The following TRUB2 variants were observed in gnomAD, a reference collection of about 807,000 sequenced individuals.
TRUB2 encodes the protein pseudouridylate synthase TRUB2, mitochondrial.
Under a neutral mutation model 31.9 loss-of-function variants are expected in TRUB2, and 31 were observed. That is an observed-to-expected ratio of 0.97 (90% CI 0.73 to 1.31). The LOEUF (loss-of-function observed/expected upper bound fraction) is 1.31. Ranked by LOEUF, TRUB2 falls within the 50% of genes most tolerant of loss-of-function variation. TRUB2 has a pLI of 0.00. For missense variants in TRUB2, 451 were observed against 439.6 expected (o/e 1.03, Z -0.23); for synonymous variants, 201 against 182.6 (o/e 1.10, Z -0.81).
Position 128,310,876 on chromosome 9 carries a change from G to T in TRUB2, c.670+11C>A, listed in dbSNP as rs1171926665. The T allele has an allele frequency of 6.2e-7, 1 of 1,613,974 alleles. No homozygotes were observed. The highest frequency in any genetic ancestry group is 1.1e-5 in the South Asian group (1 of 91,072). On this transcript the variant is annotated intron_variant, in intron 7 of 7. Coordinates refer to ENST00000372890, the MANE Select transcript of TRUB2 (RefSeq NM_015679.3). ...CCCATCTCACTGCTCCAACTTCCTT[G>T]GCCAACCTACCTAAGAGGAATTCCG...
intron 3 of TRUB2, 145 bp from the exon 4 acceptor site, chr9:128,315,773 C>T: frequency 3.6e-6 from 3 of 836,280 alleles, no homozygotes; most frequent in Non-Finnish European, 5.8e-6. Flanking sequence ...CTACAGGGGG[C>T]AGGTGCACCC....
At chr9:128,315,479 C>G (rs1832050590) in intron 4 of TRUB2, 88 bp downstream of exon 4, 1 of 1,400,700 alleles carries the variant, frequency 7.1e-7, no homozygotes, top group African/African-American at 1.4e-5. Context: ...TGGGTGTTCC[C>G]CCACGGAATC....
At chr9:128,322,249 G>A (rs1588533315) in intron 1 of TRUB2, 51 bp downstream of exon 1, 1 of 1,505,014 alleles carries the variant, frequency 6.6e-7, no homozygotes, top group East Asian at 2.3e-5. Context: ...AGCGGAGATG[G>A]ACTTCCAAGA....
Position 128,309,626 on chromosome 9 carries a change from AG to A in TRUB2, c.919del (p.Leu307SerfsTer47). On this transcript the variant is annotated frameshift_variant, in exon 8 of 8. Transcript: ENST00000372890. LOFTEE classifies it low-confidence loss of function (END_TRUNC). The stretch of plus-strand genomic sequence containing the variant: ...GTCCCAGGACCATCCCGGACTGGGG[AG>A]CTGCTTGGTGTCCAGCCCCGGGCTC... ...SLSPGLDTKQ[L>X]PSPGWSWDSQ... 6.2e-7 allele frequency: 1 copy of A among 1,613,914 alleles called. No homozygotes were observed. The highest frequency in any genetic ancestry group is 8.5e-7 in the Non-Finnish European group (1 of 1,179,962).
At chr9:128,313,972 G>C (rs1357657232) in intron 4 of TRUB2, 83 bp from the exon 5 acceptor site, 3 of 1,273,592 alleles carry the variant, frequency 2.4e-6, no homozygotes, top group Non-Finnish European at 3.4e-6. Flanking sequence ...GGGGGTGGGG[G>C]GTCCTCAGGT....
At chr9:128,321,764 A>G in intron 1 of TRUB2, 34 bp from the exon 2 acceptor site, 1 of 1,589,370 alleles carries the variant, frequency 6.3e-7, no homozygotes, top group Non-Finnish European at 8.6e-7. Flanking sequence ...ACACACATAC[A>G]TACAAATATA....
Position 128,307,354 on chromosome 9 carries a change from T to C in TRUB2, c.*2196A>G, listed in dbSNP as rs1389358984. On this transcript the variant is annotated 3_prime_UTR_variant, in exon 8 of 8. Coordinates refer to ENST00000372890, the MANE Select transcript of TRUB2 (RefSeq NM_015679.3). ...TATTCTGGAGGGTGAGGTGGGAAGA[T>C]GGTTGAGCCTGGGAGGATGACGGTG... is the stretch of plus-strand genomic sequence containing the variant. 2 of 149,778 alleles carry C rather than the reference T, an allele frequency of 1.3e-5. No individual in the cohort carries two copies. Among genetic ancestry groups the C allele is most frequent in the African/African-American group, 2.5e-5 (1 of 40,490 alleles). 9.3% of individuals were successfully genotyped at this position (149,778 alleles called of 1,614,324 possible).
In TRUB2 at chr9:128,305,734, T is replaced by C. The variant is rs1008066508; in HGVS notation, c.*3816A>G. On this transcript the variant is annotated 3_prime_UTR_variant, in exon 8 of 8. Transcript: ENST00000372890. ...TTTTCTGACATAGGGTCTCGCTCTG[T>C]TGCCCAGGCTGGAGTACAGATCTCC... The C allele has an allele frequency of 6.6e-6, 1 of 152,218 alleles. No individual in the cohort carries two copies. The highest frequency in any genetic ancestry group is 1.5e-5 in the Non-Finnish European group (1 of 68,112). 9.4% of individuals were successfully genotyped at this position (152,218 alleles called of 1,614,324 possible). A position where few individuals can be genotyped will look rare whatever the true frequency, so the allele number is the denominator to read the frequency against.
Position 128,310,901 on chromosome 9 carries a change from G to A in TRUB2, c.656C>T (p.Pro219Leu), listed in dbSNP as rs746977233. The A allele has an allele frequency of 1.8e-5, 29 of 1,614,074 alleles. No homozygotes were observed. The highest frequency in any genetic ancestry group is 5.3e-5 in the African/African-American group (4 of 74,944). Residue 219 changes from proline to leucine, a missense_variant, in exon 7 of 8, where the codon CCG becomes CTG. By Grantham distance (98) the Pro-to-Leu change is moderately conservative. Coordinates refer to ENST00000372890, the MANE Select transcript of TRUB2 (RefSeq NM_015679.3). ...GGCCAACCTACCTAAGAGGAATTCC[G>A]GAGGTGCAAAGTAGAGGCATCGGAT... ...TGIRCLYFAPPEFLLEVQCMH... is the reference protein window; with the variant it reads ...TGIRCLYFAPLEFLLEVQCMH...
At chr9:128,314,916 AG>A (rs1272017308) in intron 4 of TRUB2, among the ~76,000 whole-genome samples, 1 of 152,126 alleles carries the variant, frequency 6.6e-6, no homozygotes, top group African/African-American at 2.4e-5. Context: ...TGAGGCACAC[AG>A]ATATTAATTA....
chr9:128,314,728 A>T lies in TRUB2; in HGVS notation c.378+839T>A, dbSNP rs1054286894. 2.0e-4 allele frequency among the ~76,000 whole-genome samples: 31 copies of T among 152,052 alleles called. 1 individual carries two copies. The highest frequency in any genetic ancestry group is 4.4e-5 in the Non-Finnish European group (3 of 68,022). ...GCCACTGAGCCCGGCCACAATTTTT[A>T]AAATTTTTATAATTTAAAAAAATTT... is the stretch of plus-strand genomic sequence containing the variant. On this transcript the variant is annotated intron_variant, in intron 4 of 7. Transcript: ENST00000372890.
At chr9:128,310,022 C>G in intron 7 of TRUB2, 147 bp from the exon 8 acceptor site, 1 of 877,494 alleles carries the variant, frequency 1.1e-6, no homozygotes, top group Non-Finnish European at 1.7e-6. Context: ...TTCAGAGGAC[C>G]TGCCCTGTGG....
At chr9:128,311,993 G>T (rs896701534) in intron 5 of TRUB2, among the ~76,000 whole-genome samples, 6 of 150,684 alleles carry the variant, frequency 4.0e-5, no homozygotes, top group Admixed American at 2.0e-4. Context: ...CCACCACCAC[G>T]TCCGGCTAAT....
intron 3 of TRUB2, 151 bp downstream of exon 3, chr9:128,317,001 T>G: frequency 3.1e-6 from 2 of 655,302 alleles, no homozygotes; most frequent in East Asian, 2.8e-5. Context: ...ACCTATCCAC[T>G]CCCCAGCTGA....
intron 1 of TRUB2, 151 bp downstream of exon 1, chr9:128,322,149 G>C: frequency 1.6e-6 from 1 of 634,650 alleles, no homozygotes. Context: ...AGGAAAGTGA[G>C]GAGTAAGAAA....
intron 5 of TRUB2, among the ~76,000 whole-genome samples, chr9:128,312,195 T>C (rs1831983551): frequency 7.1e-6 from 1 of 140,136 alleles, no homozygotes; most frequent in African/African-American, 2.7e-5. Context: ...GGAGTGCAAA[T>C]GGCACAATCT....
In TRUB2 at chr9:128,309,484, T is replaced by C. The variant is rs2231643; in HGVS notation, c.*66A>G. The C allele has an allele frequency of 6.5e-3, 9,793 of 1,505,214 alleles. 459 individuals carry two copies. In the Admixed American group the frequency reaches 0.1, roughly 16 times the overall value. 93.2% of individuals were successfully genotyped at this position (1,505,214 alleles called of 1,614,324 possible). A position where few individuals can be genotyped will look rare whatever the true frequency, so the allele number is the denominator to read the frequency against. ...CCCCTGCTCTCACTTTCTGCACAGCTATCAGGTCCAGCTCATAGCAGTTCT... is the reference window on the plus strand; with the variant it reads ...CCCCTGCTCTCACTTTCTGCACAGCCATCAGGTCCAGCTCATAGCAGTTCT... On this transcript the variant is annotated 3_prime_UTR_variant, in exon 8 of 8. Coordinates refer to ENST00000372890, the MANE Select transcript of TRUB2 (RefSeq NM_015679.3).
Position 128,309,738 on chromosome 9 carries a change from G to A in TRUB2, c.808C>T (p.Leu270=), listed in dbSNP as rs761777580. The stretch of plus-strand genomic sequence containing the variant: ...TTGGTTAGGTCCCACTGGGTCCTCA[G>A]GAGGGCACTGTCTAGCGTGAAGAAG... ...DGFFTLDSAL[L]RTQWDLTNIQ... is the part of the protein sequence containing the mutation. The change falls in exon 8 of 8, where the codon CTG becomes TTG. Residue 270 remains leucine, a synonymous_variant. Transcript: ENST00000372890. The A allele has an allele frequency of 2.5e-6, 4 of 1,614,274 alleles. No individual in the cohort carries two copies. In the Admixed American group the frequency reaches 5.0e-5, roughly 20 times the overall value.
Position 128,321,637 on chromosome 9 carries a change from G to A in TRUB2, c.203C>T (p.Thr68Ile), listed in dbSNP as rs974358869. ...EGSEEKELTL[T>I]ATSVPSFINH... ...GATGAAAGAGGGTACGCTGGTGGCTGTGAGGGTCAGCTCCTTCTCTTCGCT... is the reference window on the plus strand; with the variant it reads ...GATGAAAGAGGGTACGCTGGTGGCTATGAGGGTCAGCTCCTTCTCTTCGCT... Residue 68 changes from threonine to isoleucine, a missense_variant, in exon 2 of 8, where the codon ACA becomes ATA. By Grantham distance (89) the Thr-to-Ile change is moderately conservative. Transcript: ENST00000372890. 13 of 1,613,986 alleles carry A rather than the reference G, an allele frequency of 8.1e-6. No individual in the cohort carries two copies. The highest frequency in any genetic ancestry group is 1.7e-5 in the Admixed American group (1 of 60,004).
Sources: allele counts gnomAD v4.1 joint callset (sites outside exome capture counted in the v4.1 genomes callset), GRCh38; gene constraint gnomAD v4.1.1; transcripts MANE v1.5; gene names NCBI Gene and HGNC (gene_info 2026-07-23, HGNC 2026-07-21).